FAM193B: variants seen among roughly 807,000 people sequenced by gnomAD.
FAM193B encodes the protein protein FAM193B.
A neutral mutation model predicts 70.7 loss-of-function variants in FAM193B; 27 were observed. The ratio of observed to expected loss-of-function variants is 0.38; its 90% CI spans 0.28 to 0.53. The LOEUF (loss-of-function observed/expected upper bound fraction) is 0.53. Among genes scored for constraint, FAM193B ranks in the 20% least tolerant of loss-of-function variants. The pLI is 0.81. For missense variants in FAM193B, 1,022 were observed against 1,072.5 expected, an observed-to-expected ratio of 0.95 and a Z score of 0.66; for synonymous variants, 448 against 436.0, an observed-to-expected ratio of 1.03 and a Z score of -0.34.
intron 7 of FAM193B, 69 bp from the exon 8 acceptor site, chr5:177,522,140 G>A: frequency 1.6e-6 from 2 of 1,253,200 alleles, no homozygotes; most frequent in Admixed American, 1.8e-5. Context: ...GGACTCCTAA[G>A]GTACCATGTC....
chr5:177,532,014 G>A lies in FAM193B; in HGVS notation c.1275+429C>T. 7.7e-7 allele frequency: 1 copy of A among 1,291,484 alleles called. No individual in the cohort carries two copies. Among genetic ancestry groups the A allele is most frequent in the Non-Finnish European group, 1.0e-6 (1 of 990,336 alleles). 80.0% of individuals were successfully genotyped at this position (1,291,484 alleles called of 1,614,324 possible). A position where few individuals can be genotyped will look rare whatever the true frequency, so the allele number is the denominator to read the frequency against. ...AGAGCCAGCATGCCCTCTGATCTGA[G>A]CCTCCTTCCTGGCGCCGTCTGTGCT... is the stretch of plus-strand genomic sequence containing the variant. On this transcript the variant is annotated intron_variant, in intron 5 of 8. Coordinates refer to ENST00000514747, the MANE Select transcript of FAM193B (RefSeq NM_001190946.3). The surrounding 1 kb of genome is among the most constrained non-coding windows in gnomAD (Gnocchi z 4.9).
Position 177,536,346 on chromosome 5 carries a change from C to G in FAM193B, c.1076+12G>C. The stretch of plus-strand genomic sequence containing the variant: ...GTGGGTAGCGAGTTTGCCCTTCATG[C>G]AGCACACTTACCTGTGAGTGCTAGG... On this transcript the variant is annotated intron_variant, in intron 4 of 8. Coordinates refer to ENST00000514747, the MANE Select transcript of FAM193B (RefSeq NM_001190946.3). 2 of 1,604,892 alleles carry G rather than the reference C, an allele frequency of 1.2e-6. No individual in the cohort carries two copies. Among genetic ancestry groups the G allele is most frequent in the Non-Finnish European group, 1.7e-6 (2 of 1,177,138 alleles).
rs1763579153 is a variant in FAM193B at position 177,532,240 on chromosome 5, G to A, written c.1275+203C>T. 6.7e-7 allele frequency: 1 copy of A among 1,495,616 alleles called. No homozygotes were observed. The highest frequency in any genetic ancestry group is 8.9e-7 in the Non-Finnish European group (1 of 1,128,524). The allele number at this position is 1,495,616 out of a possible 1,614,324, so 92.6% of individuals were successfully genotyped here. On this transcript the variant is annotated intron_variant, in intron 5 of 8. Coordinates refer to ENST00000514747, the MANE Select transcript of FAM193B (RefSeq NM_001190946.3). The surrounding 1 kb of genome is among the most constrained non-coding windows in gnomAD (Gnocchi z 4.9). ...TCAATCTTAAGAGAAACCATGAGAA[G>A]AGCAAAGGTAGCAAAATGTTTAAAA...
intron 8 of FAM193B, among the ~76,000 whole-genome samples, chr5:177,521,359 G>A (rs771131377): frequency 1.3e-5 from 2 of 152,210 alleles, no homozygotes; most frequent in Non-Finnish European, 2.9e-5. Context: ...TGGGTGGCTG[G>A]GAGGGGATGC....
chr5:177,529,391 A>C (rs1763116963), intron 5 of FAM193B, among the ~76,000 whole-genome samples: 1 of 151,928 alleles, frequency 6.6e-6, no homozygotes, highest in Admixed American at 6.6e-5. Context: ...GAAGGAGACA[A>C]GGGAGGAGGC....
chr5:177,554,536 G>GCCGCCGCCGCCGCCGC lies in FAM193B; in HGVS notation c.-79_-78insGCGGCGGCGGCGGCGG, dbSNP rs1208467057. The GCCGCCGCCGCCGCCGC allele has an allele frequency of 6.8e-6, 6 of 883,812 alleles. No homozygotes were observed. Among genetic ancestry groups the GCCGCCGCCGCCGCCGC allele is most frequent in the East Asian group, 1.0e-4 (1 of 9,726 alleles). The allele number at this position is 883,812 out of a possible 1,614,324, so 54.7% of individuals were successfully genotyped here. ...CGCCGCCGCCGCCGCCGCCGCTACC[G>GCCGCCGCCGCCGCCGC]CTCCCCTCACAGGACAACAGCCAAT... On this transcript the variant is annotated 5_prime_UTR_variant, in exon 1 of 9. Transcript: ENST00000514747.
At chr5:177,522,656 A>G (rs1439540532) in intron 7 of FAM193B, among the ~76,000 whole-genome samples, 1 of 151,882 alleles carries the variant, frequency 6.6e-6, no homozygotes, top group Non-Finnish European at 1.5e-5. Flanking sequence ...CATACTTTAA[A>G]TCATCTCTAG....
chr5:177,537,420 A>G (rs1487720558), intron 3 of FAM193B, among the ~76,000 whole-genome samples: 1 of 152,244 alleles, frequency 6.6e-6, no homozygotes, highest in Non-Finnish European at 1.5e-5. Context: ...AAATTAGCTA[A>G]TAACTATTAC....
At chr5:177,550,792 G>T (rs573062379) in intron 1 of FAM193B, among the ~76,000 whole-genome samples, 4 of 152,222 alleles carry the variant, frequency 2.6e-5, no homozygotes, top group Non-Finnish European at 4.4e-5. Context: ...GCGCTTCTAT[G>T]TACTAGCTGC....
At chr5:177,528,561 G>A (rs757994743) in intron 5 of FAM193B, among the ~76,000 whole-genome samples, 5 of 152,216 alleles carry the variant, frequency 3.3e-5, no homozygotes, top group Non-Finnish European at 7.3e-5. Flanking sequence ...GGCCTTAGGC[G>A]GGAAAAGGGT....
chr5:177,526,638 G>A (rs1762645387), intron 5 of FAM193B, among the ~76,000 whole-genome samples: 1 of 152,198 alleles, frequency 6.6e-6, no homozygotes, highest in African/African-American at 2.4e-5. Context: ...TTTCTGCTCT[G>A]TACCGTCAGC....
intron 5 of FAM193B, among the ~76,000 whole-genome samples, chr5:177,525,682 G>C (rs1016753222): frequency 1.3e-5 from 2 of 152,266 alleles, no homozygotes; most frequent in Non-Finnish European, 2.9e-5. Context: ...TGTTACCAAA[G>C]AGGGCGGTGT....
At position 177,528,177 on chromosome 5, in the gene FAM193B, T is replaced by G. The variant is rs1455818450; in HGVS notation, c.1276-2972A>C. On this transcript the variant is annotated intron_variant, in intron 5 of 8. Coordinates refer to ENST00000514747, the MANE Select transcript of FAM193B (RefSeq NM_001190946.3). ...GACAGAGGAGCCCAAAGACAATGTG[T>G]GAAAAGGACAAACACAAATGCCAGA... Among the ~76,000 whole-genome samples the G allele has an allele frequency of 3.3e-5, 5 of 152,028 alleles. 1 individual carries two copies. The East Asian group carries it at 9.6e-4, about 29-fold the overall frequency.
At chr5:177,529,959 T>C (rs1381676736) in intron 5 of FAM193B, among the ~76,000 whole-genome samples, 2 of 152,126 alleles carry the variant, frequency 1.3e-5, no homozygotes, top group South Asian at 2.1e-4. Flanking sequence ...TGGTTGTCCT[T>C]GGGGCTGAAA....
rs773586090 is a variant in FAM193B at position 177,536,631 on chromosome 5, G to C, written c.803C>G (p.Ser268Cys). ...GTGTGGGTGGGGTGGGGAGCCAAAG[G>C]AGCTGGGGTGAGACGGGATTAGAGA... ...PASLIPSHPS[S>C]FGSPPHPHLL... Residue 268 changes from serine (S) to cysteine (C), a missense_variant, in exon 4 of 9, where the codon TCC (serine) becomes TGC (cysteine). Coordinates refer to ENST00000514747, the MANE Select transcript of FAM193B (RefSeq NM_001190946.3). The C allele has an allele frequency of 6.4e-7, 1 of 1,561,482 alleles. No homozygotes were observed. Among genetic ancestry groups the C allele is most frequent in the East Asian group, 2.3e-5 (1 of 43,000 alleles).
chr5:177,537,708 G>A (rs1173747717), intron 3 of FAM193B, among the ~76,000 whole-genome samples, 165 bp downstream of exon 3: 1 of 152,242 alleles, frequency 6.6e-6, no homozygotes, highest in East Asian at 1.9e-4. Context: ...GGGGAAAGGA[G>A]TTCCAGAAAT....
chr5:177,522,133 C>A, intron 7 of FAM193B, 62 bp from the exon 8 acceptor site: 1 of 1,323,576 alleles, frequency 7.6e-7, no homozygotes, highest in Admixed American at 1.8e-5. Flanking sequence ...GCTCACTGGA[C>A]TCCTAAGGTA....
intron 1 of FAM193B, among the ~76,000 whole-genome samples, chr5:177,548,344 C>T (rs1194256106): frequency 6.6e-6 from 1 of 152,178 alleles, no homozygotes; most frequent in African/African-American, 2.4e-5. Flanking sequence ...AGCTGTAGCA[C>T]AGAGTAGGCA....
In FAM193B at chr5:177,532,445, C is replaced by T. The variant is rs571483479; in HGVS notation, c.1273G>A (p.Ala425Thr). The change falls in exon 5 of 9, where the codon GCG (alanine) becomes ACG (threonine). Residue 425 changes from alanine to threonine, a missense_variant and splice_region_variant. Coordinates refer to ENST00000514747, the MANE Select transcript of FAM193B (RefSeq NM_001190946.3). This position sits in a 1 kb window ranked among gnomAD's most constrained non-coding sequence, Gnocchi z 4.9. ...CTAGCCTGGGCAGGCTCACTCACCG[C>T]ATTGTGGCCGAAGAACTCACAGTAG... Reference protein sequence around the residue: ...CCYCEFFGHNAEKEKAQLAAE... With the variant: ...CCYCEFFGHNTEKEKAQLAAE... The T allele has an allele frequency of 5.6e-6, 9 of 1,609,504 alleles. No homozygotes were observed. Among genetic ancestry groups the T allele is most frequent in the African/African-American group, 2.7e-5 (2 of 75,008 alleles).
Sources: gnomAD v4.1 joint callset for allele counts (sites outside exome capture counted in the v4.1 genomes callset) on GRCh38, gnomAD v4.1.1 for gene constraint, Gnocchi (gnomAD v3.1) non-coding constraint, MANE v1.5 for transcripts, NCBI Gene and HGNC (gene_info 2026-07-23, HGNC 2026-07-21) for gene names.